The following TRDN variants were observed in gnomAD, a reference collection of about 807,000 sequenced individuals.
The protein encoded by TRDN is triadin.
A neutral mutation model predicts 149.7 loss-of-function variants in TRDN; 161 were observed. The ratio of observed to expected loss-of-function variants is 1.08; its 90% CI spans 0.95 to 1.23. The LOEUF (loss-of-function observed/expected upper bound fraction) is 1.23, where lower values mean the gene tolerates loss of function less well. Ranked by LOEUF, TRDN falls within the 50% of genes most tolerant of loss-of-function variation. TRDN has a pLI of 0.00. For synonymous variants in TRDN, 294 were observed against 250.5 expected, an observed-to-expected ratio of 1.17 and a Z score of -1.64; for missense variants, 896 against 823.5, an observed-to-expected ratio of 1.09 and a Z score of -1.08.
At chr6:123,235,897 T>C (rs1775770023) in intron 38 of TRDN, among the ~76,000 whole-genome samples, 1 of 152,184 alleles carries the variant, frequency 6.6e-6, no homozygotes, top group Admixed American at 6.6e-5. Flanking sequence ...AAATATTCTG[T>C]TGTGTGGATG....
intron 4 of TRDN, among the ~76,000 whole-genome samples, chr6:123,535,036 A>G (rs9388253): frequency 0.31 from 46,436 of 152,054 alleles, 7,871 homozygotes; most frequent in East Asian, 0.67. Context: ...TGTAACCGGT[A>G]AATCTTAAAA....
intron 1 of TRDN, among the ~76,000 whole-genome samples, chr6:123,624,134 G>C (rs995276859): frequency 6.6e-6 from 1 of 152,056 alleles, no homozygotes; most frequent in Non-Finnish European, 1.5e-5. Context: ...ATATATACAA[G>C]TGATGTTTGT....
intron 16 of TRDN, among the ~76,000 whole-genome samples, chr6:123,379,921 C>A (rs538613156): frequency 7.9e-5 from 12 of 152,128 alleles, no homozygotes; most frequent in African/African-American, 2.2e-4. Context: ...AGTGAACAAC[C>A]TTTAAGTTGT....
At chr6:123,464,215 A>T in intron 10 of TRDN, 1 of 952,944 alleles carries the variant, frequency 1.0e-6, no homozygotes, top group Non-Finnish European at 1.2e-6. Context: ...ATTTAATAAA[A>T]GTTTAAGAAA....
At chr6:123,264,939 G>A (rs1205996281) in intron 33 of TRDN, among the ~76,000 whole-genome samples, 1 of 151,974 alleles carries the variant, frequency 6.6e-6, no homozygotes, top group Non-Finnish European at 1.5e-5. Flanking sequence ...TAATCTTTAT[G>A]TGCACTGGGA....
At chr6:123,235,799 C>T (rs1214414569) in intron 38 of TRDN, among the ~76,000 whole-genome samples, 1 of 152,068 alleles carries the variant, frequency 6.6e-6, no homozygotes, top group African/African-American at 2.4e-5. Context: ...TGAAAACTTC[C>T]CGTATGGAAC....
In TRDN at chr6:123,380,328, T is replaced by C. The variant is rs570937759; in HGVS notation, c.1186+1042A>G. Among the ~76,000 whole-genome samples the C allele has an allele frequency of 5.5e-4, 84 of 152,330 alleles. 1 individual carries two copies. In the South Asian group the frequency reaches 0.016, roughly 29 times the overall value. On this transcript the variant is annotated intron_variant, in intron 16 of 40. Coordinates refer to ENST00000334268, the MANE Select transcript of TRDN (RefSeq NM_006073.4). ...ATAAAGGGCCTTAAGGCTATCTCTA[T>C]ATGTACTTTAATACTATTTTTCGAA...
chr6:123,620,042 A>G (rs11969620), intron 1 of TRDN, among the ~76,000 whole-genome samples: 4,701 of 152,208 alleles, frequency 0.031, 209 homozygotes, highest in African/African-American at 0.1. Flanking sequence ...TTGCCCATGA[A>G]AAGAATCTTC....
intron 1 of TRDN, among the ~76,000 whole-genome samples, chr6:123,616,722 A>G (rs1031119124): frequency 1.3e-5 from 2 of 152,182 alleles, no homozygotes; most frequent in South Asian, 2.1e-4. Context: ...AACTGATACA[A>G]CTTGCTTTCC....
intron 23 of TRDN, among the ~76,000 whole-genome samples, chr6:123,324,259 T>G (rs980255920): frequency 6.6e-6 from 1 of 152,226 alleles, no homozygotes; most frequent in South Asian, 2.1e-4. Flanking sequence ...TCATCTTATA[T>G]CTTGTTCAAA....
intron 31 of TRDN, among the ~76,000 whole-genome samples, chr6:123,268,519 G>T (rs1371768476): frequency 1.3e-5 from 2 of 152,026 alleles, no homozygotes; most frequent in African/African-American, 4.8e-5. Context: ...GTAGGACTCT[G>T]GAACAGACCA....
chr6:123,440,192 A>T (rs1015591860), intron 10 of TRDN, among the ~76,000 whole-genome samples: 1 of 152,206 alleles, frequency 6.6e-6, no homozygotes, highest in African/African-American at 2.4e-5. Flanking sequence ...CATATAATTT[A>T]TAAAGAACCC....
At chr6:123,436,496 T>G (rs1000480169) in intron 12 of TRDN, among the ~76,000 whole-genome samples, 6 of 152,120 alleles carry the variant, frequency 3.9e-5, no homozygotes, top group African/African-American at 1.2e-4. Flanking sequence ...CTACCCCATT[T>G]ATAGCATGAT....
At chr6:123,580,875 A>T (rs2114577262) in intron 1 of TRDN, among the ~76,000 whole-genome samples, 1 of 152,272 alleles carries the variant, frequency 6.6e-6, no homozygotes, top group Non-Finnish European at 1.5e-5. Context: ...CTCTCTTTAA[A>T]TTATTAGATT....
chr6:123,391,663 T>A (rs1309442418), intron 13 of TRDN, among the ~76,000 whole-genome samples: 1 of 152,100 alleles, frequency 6.6e-6, no homozygotes, highest in South Asian at 2.1e-4. Flanking sequence ...TAAATCTTAA[T>A]AATAGTTATA....
intron 24 of TRDN, among the ~76,000 whole-genome samples, chr6:123,297,745 A>G (rs1778256250): frequency 6.6e-6 from 1 of 152,034 alleles, no homozygotes; most frequent in Admixed American, 6.6e-5. Flanking sequence ...GACATCACAA[A>G]TTTCTCTTGA....
intron 38 of TRDN, among the ~76,000 whole-genome samples, chr6:123,230,389 C>A (rs548007855): frequency 6.6e-6 from 1 of 151,358 alleles, no homozygotes; most frequent in African/African-American, 2.4e-5. Context: ...GCCTGTCTTG[C>A]GGTGGGAGGA....
At chr6:123,529,679 TA>T (rs1780133768) in intron 5 of TRDN, among the ~76,000 whole-genome samples, 1 of 152,072 alleles carries the variant, frequency 6.6e-6, no homozygotes, top group Non-Finnish European at 1.5e-5. Context: ...AAATACTGGA[TA>T]AAATTCCATT....
intron 24 of TRDN, among the ~76,000 whole-genome samples, chr6:123,292,557 T>C (rs1317315729): frequency 6.6e-6 from 1 of 152,104 alleles, no homozygotes; most frequent in Non-Finnish European, 1.5e-5. Flanking sequence ...AGAGGAAAAA[T>C]AGCTCCCCTG....
Sources: gnomAD v4.1 joint callset for allele counts (sites outside exome capture counted in the v4.1 genomes callset) on GRCh38, gnomAD v4.1.1 for gene constraint, MANE v1.5 for transcripts, NCBI Gene and HGNC (gene_info 2026-07-23, HGNC 2026-07-21) for gene names.